Variants in CSMD1 observed in about 807,000 individuals in gnomAD.
CSMD1 encodes CUB and Sushi multiple domains 1.
Under a neutral mutation model 417.5 loss-of-function variants are expected in CSMD1, and 213 were observed. That is an observed-to-expected ratio of 0.51 (90% confidence interval 0.46 to 0.57). CSMD1 has a LOEUF of 0.57. Ranked by LOEUF, CSMD1 falls within the 20% of genes least tolerant of loss-of-function variation. CSMD1 has a pLI of 0.00. For synonymous variants in CSMD1, 2,862 were observed against 1,736.8 expected (o/e 1.65, Z -16.11); for missense variants, 6,923 against 4,529.7 (o/e 1.53, Z -15.17).
intron 6 of CSMD1, among the ~76,000 whole-genome samples, chr8:3,710,625 C>T (rs1427127074): frequency 6.6e-6 from 1 of 152,128 alleles, no homozygotes; most frequent in Admixed American, 6.5e-5. Context: ...TATTCTGACA[C>T]ACCTGGAGAC....
chr8:4,214,080 A>C (rs1800485108), intron 3 of CSMD1, among the ~76,000 whole-genome samples: 1 of 152,204 alleles, frequency 6.6e-6, no homozygotes, highest in Non-Finnish European at 1.5e-5. Context: ...CTACTGAATT[A>C]TCCAGCATCT....
At chr8:4,032,703 T>C (rs1241904456) in intron 3 of CSMD1, among the ~76,000 whole-genome samples, 4 of 152,200 alleles carry the variant, frequency 2.6e-5, no homozygotes, top group Admixed American at 6.5e-5. Flanking sequence ...CCAGGCTCTG[T>C]CCATTTATAG....
rs1403646542 is a variant in CSMD1 at position 3,219,030 on chromosome 8, T to C, written c.4672+225A>G. Among the ~76,000 whole-genome samples, 5 of 152,308 alleles carry C rather than the reference T, an allele frequency of 3.3e-5. No homozygotes were observed. The East Asian group carries it at 9.6e-4, about 29-fold the overall frequency. ...AATTTATTTTTATATGGCCATGAAC[T>C]GGGACAGTTTTTTTCCCCTCTCTTT... On this transcript the variant is annotated intron_variant, in intron 29 of 69. Transcript: ENST00000635120.
chr8:4,871,620 C>A (rs1299498595), intron 1 of CSMD1, among the ~76,000 whole-genome samples: 1 of 152,034 alleles, frequency 6.6e-6, no homozygotes, highest in Non-Finnish European at 1.5e-5. Flanking sequence ...GTTGGAAAGC[C>A]ATAGCAGTAA....
intron 3 of CSMD1, among the ~76,000 whole-genome samples, chr8:4,401,080 T>C (rs938292290): frequency 6.6e-6 from 1 of 151,950 alleles, no homozygotes; most frequent in Non-Finnish European, 1.5e-5. Context: ...AGAAAATGAG[T>C]TTTTACAAAG....
intron 5 of CSMD1, among the ~76,000 whole-genome samples, chr8:3,983,784 G>A (rs1209946589): frequency 2.0e-5 from 3 of 151,228 alleles, no homozygotes; most frequent in African/African-American, 7.3e-5. Context: ...TCTAGAGCAC[G>A]TCGCAGTTCT....
intron 2 of CSMD1, among the ~76,000 whole-genome samples, chr8:4,526,792 T>C (rs1252581458): frequency 6.6e-6 from 1 of 152,210 alleles, no homozygotes; most frequent in African/African-American, 2.4e-5. Context: ...TGAATTTTCT[T>C]TCAAGATACT....
intron 26 of CSMD1, among the ~76,000 whole-genome samples, chr8:3,268,632 G>C (rs1251668885): frequency 2.0e-5 from 3 of 151,958 alleles, no homozygotes; most frequent in African/African-American, 7.2e-5. Context: ...CATTTTTTGT[G>C]TTCTCATTAC....
chr8:4,982,585 A>T (rs926492669), intron 1 of CSMD1, among the ~76,000 whole-genome samples: 47 of 152,312 alleles, frequency 3.1e-4, no homozygotes, highest in African/African-American at 1.1e-3. Context: ...TTTCTTTCTC[A>T]TAGGTTCTAT....
intron 51 of CSMD1, among the ~76,000 whole-genome samples, chr8:3,025,086 G>A (rs1385891459): frequency 6.6e-6 from 1 of 151,058 alleles, no homozygotes; most frequent in South Asian, 2.1e-4. Context: ...ATTGTGTGGT[G>A]TTATTCTGAA....
chr8:3,846,612 GTTA>G (rs571384632), intron 5 of CSMD1, among the ~76,000 whole-genome samples: 11 of 152,242 alleles, frequency 7.2e-5, no homozygotes, highest in African/African-American at 2.6e-4. Flanking sequence ...AACATTAGCA[GTTA>G]TTATCATTAA....
intron 4 of CSMD1, among the ~76,000 whole-genome samples, chr8:4,024,801 GGAA>G (rs1206555112): frequency 5.9e-5 from 9 of 152,148 alleles, no homozygotes; most frequent in Non-Finnish European, 1.3e-4. Flanking sequence ...CTTGTGACTG[GGAA>G]CTTCCTGAGT....
chr8:4,301,295 G>T (rs1003349113), intron 3 of CSMD1, among the ~76,000 whole-genome samples: 1 of 152,180 alleles, frequency 6.6e-6, no homozygotes, highest in African/African-American at 2.4e-5. Flanking sequence ...AATGCCTTGA[G>T]CATCCCAAAA....
intron 3 of CSMD1, among the ~76,000 whole-genome samples, chr8:4,227,485 G>A (rs539924362): frequency 6.6e-6 from 1 of 152,080 alleles, no homozygotes; most frequent in Non-Finnish European, 1.5e-5. Context: ...GGAGTCCTGT[G>A]CCCTTGAGGC....
At chr8:4,451,383 G>C (rs114032221) in intron 2 of CSMD1, among the ~76,000 whole-genome samples, 2 of 152,122 alleles carry the variant, frequency 1.3e-5, no homozygotes, top group Non-Finnish European at 2.9e-5. Flanking sequence ...GTTTATGGAA[G>C]ATAATTATTG....
intron 10 of CSMD1, among the ~76,000 whole-genome samples, chr8:3,556,688 A>G (rs1799170077): frequency 1.3e-5 from 2 of 151,880 alleles, no homozygotes; most frequent in African/African-American, 4.8e-5. Context: ...CTCTACTGTA[A>G]GCACCTTTAA....
At chr8:4,461,800 G>C (rs144571458) in intron 2 of CSMD1, among the ~76,000 whole-genome samples, 3,348 of 146,918 alleles carry the variant, frequency 0.023, 121 homozygotes, top group African/African-American at 0.079. Context: ...GAGTGCAGTA[G>C]TACGATCTCA....
At chr8:4,412,030 T>C (rs527319628) in intron 3 of CSMD1, among the ~76,000 whole-genome samples, 28 of 150,406 alleles carry the variant, frequency 1.9e-4, no homozygotes, top group Non-Finnish European at 3.4e-4. Context: ...CCAGGGCAAA[T>C]GATTAGCTAA....
chr8:4,754,343 T>A (rs772114308), intron 1 of CSMD1, among the ~76,000 whole-genome samples: 2 of 152,190 alleles, frequency 1.3e-5, no homozygotes, highest in African/African-American at 4.8e-5. Flanking sequence ...TGAAACCTTG[T>A]GTTCTGGCTA....
Sources: gnomAD v4.1 joint callset for allele counts (sites outside exome capture counted in the v4.1 genomes callset) on GRCh38, gnomAD v4.1.1 for gene constraint, MANE v1.5 for transcripts, NCBI Gene and HGNC (gene_info 2026-07-23, HGNC 2026-07-21) for gene names.